CCSER2: variants seen among roughly 807,000 people sequenced by gnomAD.
The protein encoded by CCSER2 is coiled-coil serine rich protein 2, also known as serine-rich coiled-coil domain-containing protein 2.
A neutral mutation model predicts 92.3 loss-of-function variants in CCSER2; 46 were observed. That is an observed-to-expected ratio of 0.50 (90% CI 0.39 to 0.64). The LOEUF is 0.64. CCSER2 is among the 30% of genes least tolerant of loss of function. CCSER2 has a pLI of 0.00. For missense variants in CCSER2, 1,244 were observed against 1,238.9 expected, an observed-to-expected ratio of 1.00 and a Z score of -0.06; for synonymous variants, 433 against 431.4, an observed-to-expected ratio of 1.00 and a Z score of -0.04.
chr10:84,423,272 A>G (rs1843244447), intron 4 of CCSER2, among the ~76,000 whole-genome samples: 1 of 152,200 alleles, frequency 6.6e-6, no homozygotes, highest in Non-Finnish European at 1.5e-5. Context: ...GTTAAACATG[A>G]TACTTCCTGC....
intron 9 of CCSER2, among the ~76,000 whole-genome samples, chr10:84,494,988 TTTTC>T (rs1318393463): frequency 6.3e-5 from 8 of 126,178 alleles, no homozygotes; most frequent in Non-Finnish European, 1.3e-4. Flanking sequence ...TTTTTTTTTT[TTTTC>T]TTTCTTCTTA....
rs929349294 is a variant in CCSER2 at position 84,332,588 on chromosome 10, G to A, written c.-40+3780G>A. Among the ~76,000 whole-genome samples the A allele has an allele frequency of 2.7e-5, 4 of 150,784 alleles. No homozygotes were observed. The South Asian group carries it at 8.4e-4, about 31-fold the overall frequency. On this transcript the variant is annotated intron_variant, in intron 1 of 9. Coordinates refer to ENST00000372088, the MANE Select transcript of CCSER2 (RefSeq NM_001284240.2). ...CCAGTAGCTGGGACTACAGGCACGC[G>A]CCACCACGCCTGCCTAATTTTTGTA...
chr10:84,362,811 G>GTATTT (rs1351693863), intron 1 of CCSER2, among the ~76,000 whole-genome samples: 5 of 151,720 alleles, frequency 3.3e-5, no homozygotes, highest in South Asian at 2.1e-4. Context: ...TATTTAATTG[G>GTATTT]TATTTTATTT....
intron 8 of CCSER2, among the ~76,000 whole-genome samples, chr10:84,475,319 AAAG>A (rs1423515519): frequency 2.0e-5 from 3 of 152,206 alleles, no homozygotes; most frequent in African/African-American, 7.2e-5. Flanking sequence ...TGTCAGCAAT[AAAG>A]AAGGCAGATG....
At chr10:84,334,929 G>T (rs1843749263) in intron 1 of CCSER2, among the ~76,000 whole-genome samples, 1 of 152,132 alleles carries the variant, frequency 6.6e-6, no homozygotes, top group Non-Finnish European at 1.5e-5. Flanking sequence ...AAAGGGAAAA[G>T]AGAAAAAGCA....
In CCSER2 at chr10:84,499,859, A is replaced by G. The variant is rs375069579; in HGVS notation, c.2326-13590A>G. On this transcript the variant is annotated intron_variant, in intron 9 of 9. Transcript: ENST00000372088. ...CTTTTTTATTATACCTCCCTACCCC[A>G]TCTCTCTCTGCACAGGGTGGGTATT... 10 of 1,613,074 alleles carry G rather than the reference A, an allele frequency of 6.2e-6. No homozygotes were observed. The Admixed American group carries it at 1.0e-4, about 16-fold the overall frequency.
chr10:84,513,333 A>T, intron 9 of CCSER2, 116 bp from the exon 10 acceptor site: 1 of 773,974 alleles, frequency 1.3e-6, no homozygotes, highest in Non-Finnish European at 2.0e-6. Context: ...AAGAAACTCC[A>T]CATATTTTCC....
chr10:84,435,671 AAAT>A (rs1844070943), intron 5 of CCSER2, among the ~76,000 whole-genome samples: 1 of 144,782 alleles, frequency 6.9e-6, no homozygotes, highest in African/African-American at 2.9e-5. Context: ...AACAACAAAA[AAAT>A]AAATAACCAA....
chr10:84,422,280 CAG>C, intron 4 of CCSER2, among the ~76,000 whole-genome samples: 1 of 152,312 alleles, frequency 6.6e-6, no homozygotes, highest in African/African-American at 2.4e-5. Context: ...TGATCCCCAA[CAG>C]AGAAGTCCAC....
At chr10:84,444,310 T>G (rs759094888) in intron 6 of CCSER2, among the ~76,000 whole-genome samples, 2 of 152,136 alleles carry the variant, frequency 1.3e-5, no homozygotes, top group Admixed American at 6.5e-5. Flanking sequence ...TTAAAAAAAT[T>G]ACTGTAAGGG....
At chr10:84,365,269 T>G (rs1845720373) in intron 1 of CCSER2, among the ~76,000 whole-genome samples, 1 of 152,188 alleles carries the variant, frequency 6.6e-6, no homozygotes, top group African/African-American at 2.4e-5. Context: ...ATGAATGGAT[T>G]TTTTAGACAC....
rs1401635246 is a variant in CCSER2 at position 84,332,436 on chromosome 10, A to ATATT, written c.-40+3629_-40+3630insATTT. Among the ~76,000 whole-genome samples the ATATT allele has an allele frequency of 1.2e-3, 66 of 55,196 alleles. 1 individual carries two copies. The highest frequency in any genetic ancestry group is 5.2e-3 in the African/African-American group (45 of 8,690). 36.2% of individuals were successfully genotyped at this position (55,196 alleles called of 152,430 possible). On this transcript the variant is annotated intron_variant, in intron 1 of 9. Transcript: ENST00000372088. ...TTTATATATATATATATATATATAT[A>ATATT]TTTTTTTTTTTTTTTTTTTTTGAGA... is the stretch of plus-strand genomic sequence containing the variant.
intron 9 of CCSER2, among the ~76,000 whole-genome samples, chr10:84,494,164 T>C (rs1848318796): frequency 6.6e-6 from 1 of 152,206 alleles, no homozygotes; most frequent in Non-Finnish European, 1.5e-5. Context: ...AGGTTGCTAA[T>C]AGCCCATGGA....
intron 3 of CCSER2, among the ~76,000 whole-genome samples, chr10:84,375,534 TG>T (rs1442699284): frequency 8.5e-4 from 70 of 82,128 alleles, no homozygotes; most frequent in Admixed American, 3.5e-3. Flanking sequence ...ATTGTTGGTT[TG>T]TTTTTTTTTT....
chr10:84,418,973 C>T lies in CCSER2; in HGVS notation c.1705+1112C>T, dbSNP rs148272635. Reference sequence around the variant, plus strand: ...AGAAATGCAACAGGATGAGCAGAAACATGCATATTATGTCTCTTAAAGTCT... The same window carrying T: ...AGAAATGCAACAGGATGAGCAGAAATATGCATATTATGTCTCTTAAAGTCT... On this transcript the variant is annotated intron_variant, in intron 4 of 9. Coordinates refer to ENST00000372088, the MANE Select transcript of CCSER2 (RefSeq NM_001284240.2). Among the ~76,000 whole-genome samples the T allele has an allele frequency of 3.1e-3, 474 of 152,244 alleles. 3 individuals are homozygous for T. Among genetic ancestry groups the T allele is most frequent in the African/African-American group, 0.011 (438 of 41,554 alleles).
In CCSER2 at chr10:84,518,133, T is replaced by A. The variant is rs769214037; in HGVS notation, c.*3866T>A. The stretch of plus-strand genomic sequence containing the variant: ...GCTTGAATTCTATTTTCTAGTGATT[T>A]TTCACATCTCCCTTTAAGTTTTTGC... On this transcript the variant is annotated 3_prime_UTR_variant, in exon 10 of 10. Transcript: ENST00000372088. 11 of 152,240 alleles carry A rather than the reference T, an allele frequency of 7.2e-5. No individual in the cohort carries two copies. The highest frequency in any genetic ancestry group is 1.2e-4 in the Non-Finnish European group (8 of 68,046). The allele number at this position is 152,240 out of a possible 1,614,324, so 9.4% of individuals were successfully genotyped here.
At chr10:84,460,087 A>T (rs77655473) in intron 6 of CCSER2, among the ~76,000 whole-genome samples, 26 of 103,236 alleles carry the variant, frequency 2.5e-4, no homozygotes, top group Admixed American at 5.0e-4. Context: ...TGATTCTTCG[A>T]TTTTTTTTTT....
intron 1 of CCSER2, among the ~76,000 whole-genome samples, chr10:84,331,446 C>T (rs1318767587): frequency 6.6e-6 from 1 of 152,220 alleles, no homozygotes; most frequent in African/African-American, 2.4e-5. Flanking sequence ...GGGGCGCTCT[C>T]TCCAGATGCC....
intron 6 of CCSER2, among the ~76,000 whole-genome samples, chr10:84,442,501 A>G (rs987897731): frequency 1.3e-5 from 2 of 152,216 alleles, no homozygotes; most frequent in African/African-American, 2.4e-5. Context: ...ACATCTGTAT[A>G]TTTCTCCAGA....
Sources: allele counts gnomAD v4.1 joint callset (sites outside exome capture counted in the v4.1 genomes callset), GRCh38; gene constraint gnomAD v4.1.1; transcripts MANE v1.5; gene names NCBI Gene and HGNC (gene_info 2026-07-23, HGNC 2026-07-21).